The following KCNQ5 variants were observed in gnomAD, a reference collection of about 807,000 sequenced individuals.
KCNQ5 encodes potassium voltage-gated channel subfamily KQT member 5.
A neutral mutation model predicts 98.2 loss-of-function variants in KCNQ5; 30 were observed. That is an observed-to-expected ratio of 0.31 (90% CI 0.23 to 0.41). KCNQ5 has a LOEUF of 0.41. Ranked by LOEUF, KCNQ5 falls within the 10% of genes least tolerant of loss-of-function variation. The pLI is 1.00. For synonymous variants in KCNQ5, 458 were observed against 449.4 expected, an observed-to-expected ratio of 1.02 and a Z score of -0.24; for missense variants, 835 against 1,182.5, an observed-to-expected ratio of 0.71 and a Z score of 4.31.
intron 1 of KCNQ5, among the ~76,000 whole-genome samples, chr6:72,674,087 A>G (rs1424380344): frequency 6.6e-6 from 1 of 152,178 alleles, no homozygotes; most frequent in Non-Finnish European, 1.5e-5. Context: ...AGCCTTAAAG[A>G]CTTAAAAATT....
At chr6:72,984,310 C>G (rs1015221631) in intron 1 of KCNQ5, among the ~76,000 whole-genome samples, 1 of 152,164 alleles carries the variant, frequency 6.6e-6, no homozygotes, top group South Asian at 2.1e-4. Flanking sequence ...ATGCCCTGCC[C>G]CCAGAGGTGG....
intron 1 of KCNQ5, among the ~76,000 whole-genome samples, chr6:72,702,283 C>G (rs1021730201): frequency 2.6e-5 from 4 of 152,128 alleles, no homozygotes; most frequent in Admixed American, 2.6e-4. Flanking sequence ...AGATAAAATA[C>G]TAACATTTGT....
At chr6:72,642,959 G>A (rs566935620) in intron 1 of KCNQ5, among the ~76,000 whole-genome samples, 2 of 152,094 alleles carry the variant, frequency 1.3e-5, no homozygotes, top group Admixed American at 6.6e-5. Flanking sequence ...TCCTTTGCAG[G>A]AACATGGATG....
chr6:73,181,503 G>A (rs1778404050), intron 11 of KCNQ5, among the ~76,000 whole-genome samples: 1 of 152,158 alleles, frequency 6.6e-6, no homozygotes, highest in South Asian at 2.1e-4. Flanking sequence ...CTCTTCTAAG[G>A]TAATCCTTTG....
At chr6:72,872,033 T>C (rs1171322736) in intron 1 of KCNQ5, among the ~76,000 whole-genome samples, 1 of 152,136 alleles carries the variant, frequency 6.6e-6, no homozygotes, top group African/African-American at 2.4e-5. Flanking sequence ...CAAACCTAGG[T>C]GTCCAGGAAA....
At chr6:73,019,670 T>C (rs1770501980) in intron 2 of KCNQ5, among the ~76,000 whole-genome samples, 1 of 152,180 alleles carries the variant, frequency 6.6e-6, no homozygotes, top group Non-Finnish European at 1.5e-5. Context: ...TTATCAAAAG[T>C]TCAAATTTTT....
chr6:72,785,643 T>A (rs1773699617), intron 1 of KCNQ5, among the ~76,000 whole-genome samples: 2 of 98,890 alleles, frequency 2.0e-5, no homozygotes, highest in African/African-American at 5.3e-5. Context: ...AGAGCAAAAC[T>A]CCATCTCAAA....
intron 2 of KCNQ5, among the ~76,000 whole-genome samples, chr6:73,038,677 T>C (rs933879968): frequency 2.0e-5 from 3 of 152,108 alleles, no homozygotes; most frequent in Non-Finnish European, 2.9e-5. Flanking sequence ...TTTCAACCAT[T>C]GAGCTAGCCT....
At chr6:72,627,818 T>C (rs2098918759) in intron 1 of KCNQ5, among the ~76,000 whole-genome samples, 1 of 147,500 alleles carries the variant, frequency 6.8e-6, no homozygotes. Context: ...TCTCTTGGCT[T>C]CTCCCCACAT....
chr6:72,780,404 A>G (rs1024191348), intron 1 of KCNQ5, among the ~76,000 whole-genome samples: 1 of 152,246 alleles, frequency 6.6e-6, no homozygotes, highest in Non-Finnish European at 1.5e-5. Flanking sequence ...AGGTATTGAT[A>G]TGCTCCAAGA....
chr6:72,782,421 A>G (rs919605226), intron 1 of KCNQ5, among the ~76,000 whole-genome samples: 1 of 152,176 alleles, frequency 6.6e-6, no homozygotes, highest in Non-Finnish European at 1.5e-5. Flanking sequence ...TGTAAGTTCT[A>G]TGTGCATGAA....
At chr6:73,081,008 T>G (rs1436457181) in intron 5 of KCNQ5, among the ~76,000 whole-genome samples, 1 of 152,202 alleles carries the variant, frequency 6.6e-6, no homozygotes, top group Non-Finnish European at 1.5e-5. Context: ...ATAAAAGACC[T>G]GGTACCAAGA....
chr6:72,920,225 C>T (rs2150216045), intron 1 of KCNQ5, among the ~76,000 whole-genome samples: 1 of 152,148 alleles, frequency 6.6e-6, no homozygotes, highest in East Asian at 1.9e-4. Context: ...ACCCGGGAGG[C>T]AGAGGTTGCA....
At chr6:72,986,872 C>T (rs563413155) in intron 1 of KCNQ5, 15 of 914,744 alleles carry the variant, frequency 1.6e-5, no homozygotes, top group African/African-American at 1.3e-4. Flanking sequence ...CTTGGTTCTG[C>T]GAGGCTGGGG....
At chr6:73,073,913 A>T (rs1298284894) in intron 3 of KCNQ5, among the ~76,000 whole-genome samples, 1 of 152,208 alleles carries the variant, frequency 6.6e-6, no homozygotes, top group Non-Finnish European at 1.5e-5. Flanking sequence ...ATTTTAAAAT[A>T]AACTCTAATG....
chr6:72,969,712 A>G lies in KCNQ5; in HGVS notation c.399-34196A>G, dbSNP rs1031761351. 1.3e-5 allele frequency among the ~76,000 whole-genome samples: 2 copies of G among 152,232 alleles called. 1 individual carries two copies. Among genetic ancestry groups the G allele is most frequent in the Admixed American group, 1.3e-4 (2 of 15,282 alleles). ...CTCAAACATCAGACCTTAAAGGTCAAAGAAAATCCCTGTGTTGAATTCAGT... is the reference window on the plus strand; with the variant it reads ...CTCAAACATCAGACCTTAAAGGTCAGAGAAAATCCCTGTGTTGAATTCAGT... On this transcript the variant is annotated intron_variant, in intron 1 of 13. Transcript: ENST00000370398.
chr6:72,840,855 A>G (rs1776758110), intron 1 of KCNQ5, among the ~76,000 whole-genome samples: 1 of 152,216 alleles, frequency 6.6e-6, no homozygotes, highest in Admixed American at 6.5e-5. Context: ...ATATTATGGC[A>G]CCAGCACACA....
In KCNQ5 at chr6:73,027,376, G is replaced by T. The variant is rs546305559; in HGVS notation, c.490-14560G>T. Reference sequence around the variant, plus strand: ...CTGTGGGACAGACCGACACGTATTTGCATAGTAATTTGTACAGCTAGCTGT... The same window carrying T: ...CTGTGGGACAGACCGACACGTATTTTCATAGTAATTTGTACAGCTAGCTGT... On this transcript the variant is annotated intron_variant, in intron 2 of 13. Coordinates refer to ENST00000370398, the MANE Select transcript of KCNQ5 (RefSeq NM_019842.4). Among the ~76,000 whole-genome samples the T allele has an allele frequency of 2.0e-5, 3 of 152,254 alleles. No individual in the cohort carries two copies. In the East Asian group the frequency reaches 5.8e-4, roughly 29 times the overall value.
chr6:72,657,264 G>A (rs934891436), intron 1 of KCNQ5, among the ~76,000 whole-genome samples: 1 of 151,934 alleles, frequency 6.6e-6, no homozygotes, highest in African/African-American at 2.4e-5. Context: ...TAAAATGATG[G>A]CATGGGAGAC....
Sources: gnomAD v4.1 joint callset for allele counts (sites outside exome capture counted in the v4.1 genomes callset) on GRCh38, gnomAD v4.1.1 for gene constraint, MANE v1.5 for transcripts, NCBI Gene and HGNC (gene_info 2026-07-23, HGNC 2026-07-21) for gene names.